Variants in LRRFIP2 observed in about 807,000 individuals in gnomAD.
LRRFIP2 encodes leucine-rich repeat flightless-interacting protein 2.
In LRRFIP2, 109 loss-of-function variants were observed where a neutral mutation model predicts 125.9. The ratio of observed to expected loss-of-function variants is 0.87; its 90% confidence interval spans 0.74 to 1.01. The LOEUF (loss-of-function observed/expected upper bound fraction) is 1.01, where lower values mean the gene tolerates loss of function less well. Among genes scored for constraint, LRRFIP2 ranks in the 50% least tolerant of loss-of-function variants. The probability of loss-of-function intolerance (pLI) is 0.00; values close to 1 mark genes in which losing one functional copy is unlikely to be tolerated. For synonymous variants in LRRFIP2, 291 were observed against 293.1 expected, an observed-to-expected ratio of 0.99 and a Z score of 0.07; for missense variants, 850 against 862.3, an observed-to-expected ratio of 0.99 and a Z score of 0.18.
At chr3:37,122,819 T>C (rs1184286864) in intron 4 of LRRFIP2, among the ~76,000 whole-genome samples, 1 of 152,250 alleles carries the variant, frequency 6.6e-6, no homozygotes, top group East Asian at 1.9e-4. Context: ...TTTCCACATT[T>C]AGCTATTAGC....
chr3:37,098,555 A>AT (rs911185792), intron 15 of LRRFIP2, among the ~76,000 whole-genome samples: 7 of 150,266 alleles, frequency 4.7e-5, no homozygotes, highest in Non-Finnish European at 7.4e-5. Context: ...CGCCCGGCTA[A>AT]TTTTTTTTTG....
intron 23 of LRRFIP2, chr3:37,065,578 C>T (rs1473532772): frequency 1.5e-6 from 1 of 666,940 alleles, no homozygotes; most frequent in East Asian, 2.9e-5. Flanking sequence ...CATAGTACTT[C>T]CATCCACAGG....
At chr3:37,104,474 T>C (rs555538465) in intron 14 of LRRFIP2, among the ~76,000 whole-genome samples, 1 of 152,250 alleles carries the variant, frequency 6.6e-6, no homozygotes, top group Non-Finnish European at 1.5e-5. Context: ...AATAAATGAA[T>C]GTATGGTAAC....
intron 19 of LRRFIP2, 40 bp from the exon 20 acceptor site, chr3:37,075,156 C>T: frequency 7.0e-7 from 1 of 1,429,864 alleles, no homozygotes; most frequent in South Asian, 1.1e-5. Context: ...CAGGTCATGG[C>T]ACACAAGAAA....
intron 9 of LRRFIP2, 105 bp downstream of exon 9, chr3:37,110,886 T>C: frequency 2.1e-6 from 2 of 931,216 alleles, no homozygotes; most frequent in Admixed American, 2.3e-5. Flanking sequence ...AGTATATACG[T>C]AGCCATTTAC....
intron 6 of LRRFIP2, among the ~76,000 whole-genome samples, chr3:37,118,819 G>A (rs1389570063): frequency 1.3e-5 from 2 of 152,076 alleles, no homozygotes; most frequent in Non-Finnish European, 2.9e-5. Flanking sequence ...CTTAGTACAC[G>A]GCCTTAAGTT....
chr3:37,153,877 A>AG (rs1406152379), intron 1 of LRRFIP2, among the ~76,000 whole-genome samples: 1 of 152,172 alleles, frequency 6.6e-6, no homozygotes, highest in East Asian at 1.9e-4. Flanking sequence ...CACATGATGC[A>AG]GATCAAGGAC....
intron 19 of LRRFIP2, among the ~76,000 whole-genome samples, chr3:37,079,077 A>G (rs1346450185): frequency 6.6e-6 from 1 of 152,130 alleles, no homozygotes; most frequent in African/African-American, 2.4e-5. Context: ...TATATCTAGA[A>G]TATATAAACC....
intron 15 of LRRFIP2, among the ~76,000 whole-genome samples, chr3:37,098,581 T>TA (rs2093854471): frequency 6.6e-6 from 1 of 151,628 alleles, no homozygotes; most frequent in Non-Finnish European, 1.5e-5. Flanking sequence ...TTAGAAGAGA[T>TA]GGGGTTTCAA....
rs1383410632 is a variant in LRRFIP2, at chr3:37,053,833, G to A, written c.*18C>T. 6.4e-7 allele frequency: 1 copy of A among 1,555,958 alleles called. No homozygotes were observed. Among genetic ancestry groups the A allele is most frequent in the African/African-American group, 1.4e-5 (1 of 73,666 alleles). Reference sequence around the variant, plus strand: ...GTAGGGCCCCAAGGAGCATCACCCAGGTTGAAGGGTGGTTTTCCTACTGCT... The same window carrying A: ...GTAGGGCCCCAAGGAGCATCACCCAAGTTGAAGGGTGGTTTTCCTACTGCT... On this transcript the variant is annotated 3_prime_UTR_variant, in exon 28 of 28. Coordinates refer to ENST00000336686, the MANE Select transcript of LRRFIP2 (RefSeq NM_006309.4).
At chr3:37,162,179 A>AAG (rs755631823) in intron 1 of LRRFIP2, among the ~76,000 whole-genome samples, 2,177 of 140,006 alleles carry the variant, frequency 0.016, 25 homozygotes, top group Non-Finnish European at 0.021. Flanking sequence ...AAAAAAAAAG[A>AAG]AGAGAGAGAG....
rs1433415072 is a variant in LRRFIP2, at chr3:37,065,815, G to T, written c.1694C>A (p.Pro565Gln). 6.2e-7 allele frequency: 1 copy of T among 1,614,152 alleles called. No homozygotes were observed. The highest frequency in any genetic ancestry group is 8.5e-7 in the Non-Finnish European group (1 of 1,179,996). The change falls in exon 23 of 28, where the codon CCA becomes CAA. Residue 565 changes from proline (P) to glutamine (Q), a missense_variant. By Grantham distance (76) the Pro-to-Gln change is moderately conservative. Transcript: ENST00000336686. ...CATAGCAACCAGTATCTTACCTAAT[G>T]GCCCTTCTCCTGCTGACTCCAAGAC... ...AQVLESAGEGPLDVRLRKLAG... is the reference protein window; with the variant it reads ...AQVLESAGEGQLDVRLRKLAG...
At chr3:37,078,151 T>A (rs866601262) in intron 19 of LRRFIP2, among the ~76,000 whole-genome samples, 1 of 152,174 alleles carries the variant, frequency 6.6e-6, no homozygotes, top group African/African-American at 2.4e-5. Flanking sequence ...AAATTTATCA[T>A]GTTTTTTAAT....
At chr3:37,094,099 C>T (rs996341121) in intron 17 of LRRFIP2, among the ~76,000 whole-genome samples, 1 of 152,108 alleles carries the variant, frequency 6.6e-6, no homozygotes, top group African/African-American at 2.4e-5. Flanking sequence ...TTTGTCTTCC[C>T]TATGAAAAAG....
At chr3:37,097,740 G>A (rs187686127) in intron 15 of LRRFIP2, among the ~76,000 whole-genome samples, 74 of 152,218 alleles carry the variant, frequency 4.9e-4, no homozygotes, top group African/African-American at 1.6e-3. Context: ...TCCAAACCCT[G>A]AGTTTTATAG....
chr3:37,095,438 G>A (rs901016443), intron 16 of LRRFIP2, among the ~76,000 whole-genome samples: 22 of 152,104 alleles, frequency 1.4e-4, no homozygotes, highest in African/African-American at 4.8e-4. Context: ...TCATTTAAAC[G>A]TGAGATTATG....
intron 15 of LRRFIP2, among the ~76,000 whole-genome samples, chr3:37,098,475 C>T (rs993441337): frequency 4.6e-5 from 7 of 151,752 alleles, no homozygotes; most frequent in Middle Eastern, 3.2e-3. Flanking sequence ...GCACCCTCTG[C>T]CTCCCAGGTT....
chr3:37,130,828 T>A (rs1032598775), intron 2 of LRRFIP2, among the ~76,000 whole-genome samples: 1 of 152,150 alleles, frequency 6.6e-6, no homozygotes, highest in Admixed American at 6.5e-5. Flanking sequence ...AGCCACACAG[T>A]GCTTCCTTTA....
chr3:37,075,957 T>TA (rs772773025), intron 19 of LRRFIP2, among the ~76,000 whole-genome samples: 2 of 152,188 alleles, frequency 1.3e-5, no homozygotes, highest in Non-Finnish European at 2.9e-5. Context: ...GAAAGACTTT[T>TA]AAATTAGTAA....
Sources: gnomAD v4.1 joint callset for allele counts (sites outside exome capture counted in the v4.1 genomes callset) on GRCh38, gnomAD v4.1.1 for gene constraint, MANE v1.5 for transcripts, NCBI Gene and HGNC (gene_info 2026-07-23, HGNC 2026-07-21) for gene names.